The following SCAF4 variants were observed in gnomAD, a reference collection of about 807,000 sequenced individuals.
SCAF4 encodes the protein SR-related and CTD-associated factor 4.
A neutral mutation model predicts 129.8 loss-of-function variants in SCAF4; 25 were observed. The ratio of observed to expected loss-of-function variants is 0.19; its 90% CI spans 0.14 to 0.27. The LOEUF (loss-of-function observed/expected upper bound fraction) is 0.27. Among genes scored for constraint, SCAF4 ranks in the 10% least tolerant of loss-of-function variants. The pLI, the probability that SCAF4 is intolerant of heterozygous loss-of-function variation, is 1.00. For missense variants in SCAF4, 1,246 were observed against 1,457.1 expected (o/e 0.86, Z 2.36); for synonymous variants, 551 against 497.7 (o/e 1.11, Z -1.43).
In SCAF4 at chr21:31,696,563, A is replaced by C. The variant is rs1317633324; in HGVS notation, c.959+6T>G. ...TATCTGCTGAGGAATAAAAAAAAAA[A>C]CTAACAATGGTGCCTGTGGAGGAGG... On this transcript the variant is annotated splice_donor_region_variant and intron_variant, in intron 8 of 19. Transcript: ENST00000286835. 3.8e-6 allele frequency: 6 copies of C among 1,578,984 alleles called. No homozygotes were observed. The highest frequency in any genetic ancestry group is 2.2e-5 in the East Asian group (1 of 44,596).
At chr21:31,707,488 A>G (rs549601447) in intron 1 of SCAF4, among the ~76,000 whole-genome samples, 1 of 151,904 alleles carries the variant, frequency 6.6e-6, no homozygotes, top group Non-Finnish European at 1.5e-5. Context: ...CATAGAGTCC[A>G]TAGAGGGTTA....
chr21:31,697,405 A>G (rs1323101586), intron 7 of SCAF4, among the ~76,000 whole-genome samples: 2 of 152,238 alleles, frequency 1.3e-5, no homozygotes, highest in Non-Finnish European at 2.9e-5. Flanking sequence ...GATAATGCTT[A>G]AATACCTACT....
intron 1 of SCAF4, among the ~76,000 whole-genome samples, chr21:31,723,611 TGTG>T (rs1568867296): frequency 3.5e-5 from 4 of 115,004 alleles, no homozygotes; most frequent in Admixed American, 8.8e-5. Flanking sequence ...ATTTATATGA[TGTG>T]TGTGTGTGTG....
intron 1 of SCAF4, among the ~76,000 whole-genome samples, chr21:31,726,469 A>T (rs933695337): frequency 1.3e-5 from 2 of 152,096 alleles, no homozygotes; most frequent in African/African-American, 4.8e-5. Flanking sequence ...TGAGACCAGC[A>T]TGGGCAACAG....
At chr21:31,701,742 T>G in intron 6 of SCAF4, 34 bp downstream of exon 6, 3 of 1,585,744 alleles carry the variant, frequency 1.9e-6, no homozygotes, top group Non-Finnish European at 2.6e-6. Flanking sequence ...TACCTAGTCC[T>G]GCAAACAATT....
intron 1 of SCAF4, among the ~76,000 whole-genome samples, chr21:31,723,257 G>C (rs747743937): frequency 6.6e-6 from 1 of 152,130 alleles, no homozygotes; most frequent in Non-Finnish European, 1.5e-5. Context: ...ATAGTGGCCA[G>C]CCTGGCCAAC....
At chr21:31,707,999 C>CG (rs2050707925) in intron 1 of SCAF4, among the ~76,000 whole-genome samples, 1 of 152,118 alleles carries the variant, frequency 6.6e-6, no homozygotes, top group African/African-American at 2.4e-5. Context: ...TCTCTAAATA[C>CG]GGCTGCAATT....
chr21:31,683,071 T>A (rs1211518020), intron 19 of SCAF4, among the ~76,000 whole-genome samples: 2 of 152,260 alleles, frequency 1.3e-5, no homozygotes, highest in Non-Finnish European at 2.9e-5. Context: ...TTTTCTTATG[T>A]CAAATTCTAA....
At position 31,701,863 on chromosome 21, in the gene SCAF4, T is replaced by C. The variant is rs1568847025; in HGVS notation, c.513A>G (p.Pro171=). The change falls in exon 6 of 20, where the codon CCA becomes CCG. Residue 171 remains proline (P), a synonymous_variant. Coordinates refer to ENST00000286835, the MANE Select transcript of SCAF4 (RefSeq NM_020706.2). ...ACTGTGGTACAGCTGGGACGGAGTT[T>C]GGAGTGGCTTGTGTGGGAGGTTCAG... is the stretch of plus-strand genomic sequence containing the variant. ...VSSEPPTQAT[P]NSVPAVPQLP... is the part of the protein sequence containing the mutation. The C allele has an allele frequency of 6.2e-7, 1 of 1,614,012 alleles. No individual in the cohort carries two copies. Among genetic ancestry groups the C allele is most frequent in the Non-Finnish European group, 8.5e-7 (1 of 1,179,956 alleles).
At chr21:31,719,579 A>G (rs1212562213) in intron 1 of SCAF4, among the ~76,000 whole-genome samples, 1 of 152,024 alleles carries the variant, frequency 6.6e-6, no homozygotes, top group African/African-American at 2.4e-5. Flanking sequence ...ATCTCAGCGC[A>G]CCACAACCTC....
Position 31,705,423 on chromosome 21 carries a change from C to CT in SCAF4, c.158dup (p.Cys54ValfsTer2). On this transcript the variant is annotated frameshift_variant and splice_region_variant, in exon 3 of 20. Coordinates refer to ENST00000286835, the MANE Select transcript of SCAF4 (RefSeq NM_020706.2). LOFTEE classifies it high-confidence loss of function. ...TGAGGTTATAATGAGAGATAGTTAC[C>CT]TTTTTGATGAACTTTTCTACTATTT... is the stretch of plus-strand genomic sequence containing the variant. 8.1e-7 allele frequency: 1 copy of CT among 1,240,986 alleles called. No homozygotes were observed. Among genetic ancestry groups the CT allele is most frequent in the South Asian group, 1.4e-5 (1 of 71,474 alleles). 76.9% of individuals were successfully genotyped at this position (1,240,986 alleles called of 1,614,324 possible). A position where few individuals can be genotyped will look rare whatever the true frequency, so the allele number is the denominator to read the frequency against.
intron 10 of SCAF4, 152 bp from the exon 11 acceptor site, chr21:31,694,441 C>A: frequency 1.8e-6 from 1 of 554,888 alleles, no homozygotes; most frequent in South Asian, 2.7e-5. Context: ...AACTGGCCAT[C>A]ACTGGGAAAA....
chr21:31,697,329 T>G (rs542431943), intron 7 of SCAF4, among the ~76,000 whole-genome samples: 2 of 152,226 alleles, frequency 1.3e-5, no homozygotes, highest in East Asian at 3.9e-4. Context: ...TAAAAAAAAA[T>G]TCAAGAGACT....
In SCAF4 at chr21:31,695,690, T is replaced by C. The variant is rs188910519; in HGVS notation, c.1068+423A>G. On this transcript the variant is annotated intron_variant, in intron 9 of 19. Transcript: ENST00000286835. The stretch of plus-strand genomic sequence containing the variant: ...TTTACTGGAACAAATTTATCTCTAC[T>C]AACTTCCTGCAACTCTCCAGTGTGC... Among the ~76,000 whole-genome samples, 406 of 152,336 alleles carry C rather than the reference T, an allele frequency of 2.7e-3. 1 individual carries two copies. Among genetic ancestry groups the C allele is most frequent in the African/African-American group, 9.1e-3 (380 of 41,580 alleles).
intron 11 of SCAF4, 112 bp from the exon 12 acceptor site, chr21:31,693,596 G>GTAA (rs2123540341): frequency 5.1e-6 from 3 of 584,856 alleles, no homozygotes; most frequent in Middle Eastern, 5.1e-4. Context: ...GTTTGGGTAT[G>GTAA]TAAGAATGCA....
chr21:31,693,487 A>C lies in SCAF4; in HGVS notation c.1323-3T>G, dbSNP rs764996221. ...TAGATCGCCTCCTTTTTGGTGACCTAATGTTTTCAAGAGAAGGGAGAATGC... is the reference window on the plus strand; with the variant it reads ...TAGATCGCCTCCTTTTTGGTGACCTCATGTTTTCAAGAGAAGGGAGAATGC... On this transcript the variant is annotated splice_region_variant and splice_polypyrimidine_tract_variant and intron_variant, in intron 11 of 19. Coordinates refer to ENST00000286835, the MANE Select transcript of SCAF4 (RefSeq NM_020706.2). 4.1e-6 allele frequency: 6 copies of C among 1,474,270 alleles called. No homozygotes were observed. Among genetic ancestry groups the C allele is most frequent in the Non-Finnish European group, 4.6e-6 (5 of 1,093,670 alleles). 91.3% of individuals were successfully genotyped at this position (1,474,270 alleles called of 1,614,324 possible). A position where few individuals can be genotyped will look rare whatever the true frequency, so the allele number is the denominator to read the frequency against.
intron 1 of SCAF4, among the ~76,000 whole-genome samples, chr21:31,731,179 T>C (rs2051345044): frequency 6.6e-6 from 1 of 151,870 alleles, no homozygotes; most frequent in Non-Finnish European, 1.5e-5. Context: ...CGCCGCGGCC[T>C]GAGCAACAGG....
At chr21:31,717,928 CACACACACACACACACACAT>C (rs1568862377) in intron 1 of SCAF4, among the ~76,000 whole-genome samples, 3 of 147,772 alleles carry the variant, frequency 2.0e-5, no homozygotes, top group African/African-American at 7.7e-5. Flanking sequence ...CACACACACA[CACACACACACACACACACAT>C]ATATATTTTT....
Position 31,685,739 on chromosome 21 carries a change from A to G in SCAF4, c.2044-6T>C. The G allele has an allele frequency of 6.4e-7, 1 of 1,566,382 alleles. No individual in the cohort carries two copies. The highest frequency in any genetic ancestry group is 8.6e-7 in the Non-Finnish European group (1 of 1,161,028). On this transcript the variant is annotated splice_polypyrimidine_tract_variant and splice_region_variant and intron_variant, in intron 16 of 19. Coordinates refer to ENST00000286835, the MANE Select transcript of SCAF4 (RefSeq NM_020706.2). ...CCCGGTTGATGTGGTGGGACCTAGA[A>G]AGAAAGATAAAAGAATAAACCACCT...
Sources: gnomAD v4.1 joint callset for allele counts (sites outside exome capture counted in the v4.1 genomes callset) on GRCh38, gnomAD v4.1.1 for gene constraint, MANE v1.5 for transcripts, NCBI Gene and HGNC (gene_info 2026-07-23, HGNC 2026-07-21) for gene names.